Variants in PRR14L observed in about 807,000 individuals in gnomAD.
PRR14L encodes proline rich 14 like, also known as protein PRR14L.
A neutral mutation model predicts 155.0 loss-of-function variants in PRR14L; 80 were observed. That is an observed-to-expected ratio of 0.52 (90% CI 0.43 to 0.62). PRR14L has a LOEUF of 0.62. Ranked by LOEUF, PRR14L falls within the 20% of genes least tolerant of loss-of-function variation. PRR14L has a pLI of 0.00. For synonymous variants in PRR14L, 883 were observed against 916.0 expected (o/e 0.96, Z 0.65); for missense variants, 2,469 against 2,548.0 (o/e 0.97, Z 0.67).
intron 3 of PRR14L, among the ~76,000 whole-genome samples, chr22:31,721,142 CTGATGGGGAAGATCTCCCA>C (rs1231701660): frequency 6.6e-6 from 1 of 152,294 alleles, no homozygotes; most frequent in East Asian, 1.9e-4. Context: ...GCAAGAGTGC[CTGATGGGGAAGATCTCCCA>C]TGATGGGGAA....
intron 8 of PRR14L, among the ~76,000 whole-genome samples, chr22:31,687,888 G>A (rs187496352): frequency 0.015 from 2,236 of 151,598 alleles, 57 homozygotes; most frequent in African/African-American, 0.052. Context: ...AAAATTAGCC[G>A]GGTGTGGTGG....
intron 6 of PRR14L, 37 bp from the exon 7 acceptor site, chr22:31,701,799 G>T: frequency 1.3e-6 from 2 of 1,482,318 alleles, no homozygotes; most frequent in Non-Finnish European, 9.4e-7. Flanking sequence ...TGGTCAAGCT[G>T]TAAGACATTT....
intron 3 of PRR14L, among the ~76,000 whole-genome samples, chr22:31,722,005 C>G (rs1177145195): frequency 1.3e-5 from 2 of 152,166 alleles, no homozygotes; most frequent in Non-Finnish European, 2.9e-5. Context: ...TATAATTACA[C>G]TGAAGTCCTC....
In PRR14L at chr22:31,712,972, C is replaced by G; in HGVS notation, c.4867G>C (p.Ala1623Pro). 2 of 1,551,720 alleles carry G rather than the reference C, an allele frequency of 1.3e-6. No homozygotes were observed. The highest frequency in any genetic ancestry group is 8.7e-7 in the Non-Finnish European group (1 of 1,147,012). Residue 1623 changes from alanine to proline, a missense_variant, in exon 4 of 9, where the codon GCC (alanine) becomes CCC (proline). By Grantham distance (27) the Ala-to-Pro change is conservative. Transcript: ENST00000327423. Reference sequence around the variant, plus strand: ...TTCATGGCTGGGGCCAGTTTGGAGGCAAGGATGGACAGCTTGTTTAGTAAG... The same window carrying G: ...TTCATGGCTGGGGCCAGTTTGGAGGGAAGGATGGACAGCTTGTTTAGTAAG... Reference protein sequence around the residue: ...SALLNKLSILASKLAPAMKTQ... With the variant: ...SALLNKLSILPSKLAPAMKTQ...
intron 2 of PRR14L, among the ~76,000 whole-genome samples, chr22:31,728,990 G>T (rs775475398): frequency 2.4e-4 from 37 of 152,308 alleles, no homozygotes; most frequent in Non-Finnish European, 5.4e-4. Context: ...TTGGTGCACA[G>T]TTCTTAAATA....
At chr22:31,709,130 GATTT>G (rs1241886904) in intron 4 of PRR14L, among the ~76,000 whole-genome samples, 1 of 151,776 alleles carries the variant, frequency 6.6e-6, no homozygotes, top group Non-Finnish European at 1.5e-5. Flanking sequence ...GCTGACATGG[GATTT>G]ATTTCTCTAG....
intron 2 of PRR14L, among the ~76,000 whole-genome samples, chr22:31,733,296 C>CTTTTTT: frequency 8.8e-6 from 1 of 113,188 alleles, no homozygotes; most frequent in Non-Finnish European, 1.7e-5. Context: ...CGCCTGGCCA[C>CTTTTTT]TGTTTTTTTT....
At chr22:31,740,954 C>T (rs922854556) in intron 1 of PRR14L, among the ~76,000 whole-genome samples, 1 of 151,122 alleles carries the variant, frequency 6.6e-6, no homozygotes, top group African/African-American at 2.4e-5. Context: ...ACAGCCTAGT[C>T]AATATGGTGA....
In PRR14L at chr22:31,717,161, A is replaced by G; in HGVS notation, c.678T>C (p.Ala226=). The G allele has an allele frequency of 6.4e-7, 1 of 1,552,336 alleles. No individual in the cohort carries two copies. Among genetic ancestry groups the G allele is most frequent in the Non-Finnish European group, 8.7e-7 (1 of 1,147,134 alleles). ...KNGNVSKDLS[A]GCGEFQEVDK... is the part of the protein sequence containing the mutation. The stretch of plus-strand genomic sequence containing the variant: ...CTACTTCTTGGAATTCACCGCATCC[A>G]GCTGAGAGATCTTTACTCACATTGC... The change falls in exon 4 of 9, where the codon GCT becomes GCC. Residue 226 remains alanine, a synonymous_variant. Coordinates refer to ENST00000327423, the MANE Select transcript of PRR14L (RefSeq NM_173566.3).
At chr22:31,737,646 A>G (rs1039360692) in intron 2 of PRR14L, among the ~76,000 whole-genome samples, 2 of 151,878 alleles carry the variant, frequency 1.3e-5, no homozygotes, top group Non-Finnish European at 2.9e-5. Flanking sequence ...AAAGAAGAAA[A>G]AAGAATTTGA....
At chr22:31,738,007 C>G (rs1264946997) in intron 2 of PRR14L, among the ~76,000 whole-genome samples, 3 of 150,722 alleles carry the variant, frequency 2.0e-5, no homozygotes, top group African/African-American at 4.9e-5. Context: ...AGAATGAGAC[C>G]TTCTTAAAAA....
rs986910483 is a variant in PRR14L at position 31,681,500 on chromosome 22, CATG to C, written c.*4024_*4026del. 2.6e-5 allele frequency: 4 copies of C among 152,150 alleles called. No individual in the cohort carries two copies. Among genetic ancestry groups the C allele is most frequent in the Non-Finnish European group, 5.9e-5 (4 of 67,996 alleles). The allele number at this position is 152,150 out of a possible 1,614,324, so 9.4% of individuals were successfully genotyped here. Reference sequence around the variant, plus strand: ...GTACAAATTTCATTGAACTACTGACCATGATAATATATAAACATGTCAGGCAGC... The same window carrying C: ...GTACAAATTTCATTGAACTACTGACCATAATATATAAACATGTCAGGCAGC... On this transcript the variant is annotated 3_prime_UTR_variant, in exon 9 of 9. Coordinates refer to ENST00000327423, the MANE Select transcript of PRR14L (RefSeq NM_173566.3).
At chr22:31,732,049 C>A (rs982613954) in intron 2 of PRR14L, among the ~76,000 whole-genome samples, 5 of 152,150 alleles carry the variant, frequency 3.3e-5, no homozygotes, top group African/African-American at 1.2e-4. Flanking sequence ...CTTTCTATTC[C>A]ATTTCCATTC....
rs16989427 is a variant in PRR14L at position 31,712,489 on chromosome 22, C to T, written c.5350G>A (p.Val1784Ile). The T allele has an allele frequency of 0.046, 70,660 of 1,552,114 alleles. 1,687 individuals are homozygous for T. Among genetic ancestry groups the T allele is most frequent in the Non-Finnish European group, 0.05 (57,146 of 1,147,136 alleles). The change falls in exon 4 of 9, where the codon GTC (valine) becomes ATC (isoleucine). Residue 1784 changes from valine to isoleucine, a missense_variant. This residue lies in a region of PRR14L where 2,363 missense variants were observed against 2,371.6 expected (regional missense o/e 1.00). Transcript: ENST00000327423. ...GCCTGAGTGTGGGTCTGACTATGGA[C>T]GCCAGTGTCTTCCCTGAATGTTGCC... is the stretch of plus-strand genomic sequence containing the variant. The part of the protein sequence containing the change: ...GMATFREDTG[V>I]HSQTHTQAPP...
At chr22:31,727,601 GT>G (rs1192528813) in intron 2 of PRR14L, among the ~76,000 whole-genome samples, 1 of 152,112 alleles carries the variant, frequency 6.6e-6, no homozygotes, top group Non-Finnish European at 1.5e-5. Flanking sequence ...CTCTTAAAAG[GT>G]TCTGAGTTAA....
intron 4 of PRR14L, 147 bp from the exon 5 acceptor site, chr22:31,704,873 G>C (rs2074581670): frequency 6.8e-6 from 4 of 589,488 alleles, no homozygotes; most frequent in Non-Finnish European, 1.2e-5. Context: ...TTTCCAACCA[G>C]GAGAGTTATA....
In PRR14L at chr22:31,701,774, G is replaced by A; in HGVS notation, c.6001-12C>T. 1 of 1,593,482 alleles carries A rather than the reference G, an allele frequency of 6.3e-7. No homozygotes were observed. Among genetic ancestry groups the A allele is most frequent in the Non-Finnish European group, 8.6e-7 (1 of 1,164,064 alleles). ...TTCTCTGGCTCAGCCTATTTTTAAG[G>A]ATTAAGAAGAAAGATGGTCAAGCTG... On this transcript the variant is annotated splice_polypyrimidine_tract_variant and intron_variant, in intron 6 of 8. Coordinates refer to ENST00000327423, the MANE Select transcript of PRR14L (RefSeq NM_173566.3).
At position 31,715,222 on chromosome 22, in the gene PRR14L, T is replaced by TG; in HGVS notation, c.2616dup (p.Arg873GlnfsTer11). On this transcript the variant is annotated frameshift_variant, in exon 4 of 9. Coordinates refer to ENST00000327423, the MANE Select transcript of PRR14L (RefSeq NM_173566.3). LOFTEE classifies it high-confidence loss of function. ...AACAAGCCTGCTACCATTTTGTTTC[T>TG]GATCTTATCTCCTGGAAGGCTGCCA... 6.4e-7 allele frequency: 1 copy of TG among 1,552,368 alleles called. No individual in the cohort carries two copies. The highest frequency in any genetic ancestry group is 8.7e-7 in the Non-Finnish European group (1 of 1,147,144).
chr22:31,713,313 G>C lies in PRR14L; in HGVS notation c.4526C>G (p.Ala1509Gly), dbSNP rs759532844. ...GGGAAGAACTCCTTTCTTCGCAAAG[G>C]CACCATGTATTTGATCACACCCAGC... is the stretch of plus-strand genomic sequence containing the variant. ...SSAGCDQIHG[A>G]FAKKGVLPLK... Residue 1509 changes from alanine to glycine, a missense_variant, in exon 4 of 9, where the codon GCC becomes GGC. By Grantham distance (60) the Ala-to-Gly change is moderately conservative. Coordinates refer to ENST00000327423, the MANE Select transcript of PRR14L (RefSeq NM_173566.3). The C allele has an allele frequency of 2.4e-5, 38 of 1,552,170 alleles. 1 individual carries two copies. In the South Asian group the frequency reaches 3.7e-4, roughly 15 times the overall value.
Sources: allele counts gnomAD v4.1 joint callset (sites outside exome capture counted in the v4.1 genomes callset), GRCh38; gene constraint gnomAD v4.1.1; regional missense constraint gnomAD v4.1.1; transcripts MANE v1.5; gene names NCBI Gene and HGNC (gene_info 2026-07-23, HGNC 2026-07-21).